PLCL1: variants seen among roughly 807,000 people sequenced by gnomAD.
The protein encoded by PLCL1 is inactive phospholipase C-like protein 1.
PLCL1 carries 41 observed loss-of-function variants against 84.4 expected under a neutral mutation model. The observed-to-expected ratio is 0.49, with a 90% CI of 0.38 to 0.63. The LOEUF is 0.63. PLCL1 is among the 30% of genes least tolerant of loss of function. The pLI is 0.00. For synonymous variants in PLCL1, 490 were observed against 488.3 expected (o/e 1.00, Z -0.05); for missense variants, 1,206 against 1,367.8 (o/e 0.88, Z 1.87).
At chr2:197,917,184 C>G (rs1475005136) in intron 1 of PLCL1, among the ~76,000 whole-genome samples, 1 of 152,174 alleles carries the variant, frequency 6.6e-6, no homozygotes, top group Non-Finnish European at 1.5e-5. Flanking sequence ...AACTTGTCTA[C>G]ACAAAAACCT....
chr2:198,113,946 G>A (rs1237972379), intron 5 of PLCL1, among the ~76,000 whole-genome samples: 2 of 151,706 alleles, frequency 1.3e-5, no homozygotes, highest in Non-Finnish European at 2.9e-5. Flanking sequence ...TACAGAGGAG[G>A]ATGTTATAAG....
intron 1 of PLCL1, among the ~76,000 whole-genome samples, chr2:198,000,750 T>G (rs888487932): frequency 4.6e-5 from 7 of 152,126 alleles, no homozygotes; most frequent in Middle Eastern, 3.4e-3. Flanking sequence ...TTTTTTTTTT[T>G]TATCTTGGAG....
chr2:198,131,982 C>A (rs773768851), intron 5 of PLCL1, among the ~76,000 whole-genome samples: 3 of 152,170 alleles, frequency 2.0e-5, no homozygotes, highest in Admixed American at 1.3e-4. Flanking sequence ...TTTCCTTTTC[C>A]ATTTCCCCTT....
intron 1 of PLCL1, among the ~76,000 whole-genome samples, chr2:198,012,981 C>T (rs756308437): frequency 2.6e-5 from 4 of 152,008 alleles, no homozygotes; most frequent in Non-Finnish European, 5.9e-5. Flanking sequence ...TACATCTCTG[C>T]CCCCTCCCAG....
intron 1 of PLCL1, among the ~76,000 whole-genome samples, chr2:197,910,187 G>T (rs1042562752): frequency 6.6e-6 from 1 of 152,208 alleles, no homozygotes. Flanking sequence ...TTAGTGAAAA[G>T]GAGATGGATT....
chr2:197,907,360 A>G (rs761818747), intron 1 of PLCL1, among the ~76,000 whole-genome samples: 1 of 151,820 alleles, frequency 6.6e-6, no homozygotes, highest in Non-Finnish European at 1.5e-5. Context: ...TGCCTCAGCC[A>G]CCTGAGTAGC....
intron 1 of PLCL1, among the ~76,000 whole-genome samples, chr2:198,079,750 T>C (rs1198686479): frequency 2.6e-5 from 4 of 152,200 alleles, no homozygotes; most frequent in Non-Finnish European, 4.4e-5. Context: ...TTAATTTAAC[T>C]TATTTAAATG....
intron 1 of PLCL1, among the ~76,000 whole-genome samples, chr2:198,014,589 T>A (rs1690947882): frequency 6.6e-6 from 1 of 152,132 alleles, no homozygotes; most frequent in Non-Finnish European, 1.5e-5. Flanking sequence ...ATCTTTATTA[T>A]AACCATGTGG....
intron 1 of PLCL1, among the ~76,000 whole-genome samples, chr2:197,823,985 G>T (rs535363755): frequency 1.3e-5 from 2 of 152,182 alleles, no homozygotes; most frequent in Admixed American, 6.5e-5. Context: ...AGCTATATAT[G>T]AATTTAGCAT....
At chr2:197,911,881 C>A (rs956264546) in intron 1 of PLCL1, among the ~76,000 whole-genome samples, 1 of 152,174 alleles carries the variant, frequency 6.6e-6, no homozygotes, top group Non-Finnish European at 1.5e-5. Context: ...ACATTCCCGA[C>A]CCCCTGGAAA....
chr2:198,054,360 A>C (rs373767710), intron 1 of PLCL1, among the ~76,000 whole-genome samples: 2 of 152,244 alleles, frequency 1.3e-5, no homozygotes, highest in Non-Finnish European at 2.9e-5. Context: ...TCCATCCAAC[A>C]GCAGCAGAAT....
At chr2:198,112,818 A>T (rs961815318) in intron 5 of PLCL1, among the ~76,000 whole-genome samples, 3 of 151,876 alleles carry the variant, frequency 2.0e-5, no homozygotes, top group African/African-American at 7.2e-5. Flanking sequence ...TTCCAGTGGC[A>T]GCCAGTTTAG....
intron 1 of PLCL1, among the ~76,000 whole-genome samples, chr2:197,922,772 G>T (rs1449015474): frequency 1.9e-4 from 21 of 112,314 alleles, no homozygotes; most frequent in East Asian, 3.5e-4. Flanking sequence ...TGGCCGGGCA[G>T]GGGGCTGACC....
chr2:197,965,796 T>C (rs1689719430), intron 1 of PLCL1, among the ~76,000 whole-genome samples: 1 of 152,212 alleles, frequency 6.6e-6, no homozygotes, highest in Admixed American at 6.5e-5. Context: ...AATTTCTTTA[T>C]TGACCTATTG....
intron 1 of PLCL1, among the ~76,000 whole-genome samples, chr2:197,903,774 A>G (rs1688320761): frequency 7.7e-6 from 1 of 129,770 alleles, no homozygotes; most frequent in African/African-American, 3.0e-5. Flanking sequence ...AAGTGCTGGG[A>G]TTACAGGCGT....
chr2:197,841,348 C>T (rs1686999713), intron 1 of PLCL1, among the ~76,000 whole-genome samples: 1 of 152,154 alleles, frequency 6.6e-6, no homozygotes, highest in Admixed American at 6.5e-5. Context: ...TGGCACCGTC[C>T]TGAAAATCTC....
chr2:197,963,601 C>A (rs1689667195), intron 1 of PLCL1, among the ~76,000 whole-genome samples: 1 of 151,992 alleles, frequency 6.6e-6, no homozygotes, highest in Non-Finnish European at 1.5e-5. Context: ...GTGATCCCAT[C>A]TGCCCGTTTT....
chr2:198,055,325 CTCTCTG>C (rs1265808237), intron 1 of PLCL1, among the ~76,000 whole-genome samples: 13 of 108,914 alleles, frequency 1.2e-4, no homozygotes, highest in African/African-American at 5.7e-4. Flanking sequence ...CTCTCTCTCT[CTCTCTG>C]TGTGTGTGTG....
intron 1 of PLCL1, among the ~76,000 whole-genome samples, chr2:197,918,971 T>TCTCTCTCTCA (rs373512508): frequency 0.02 from 2,850 of 144,552 alleles, 102 homozygotes; most frequent in East Asian, 0.068. Context: ...TCTCTCTCCC[T>TCTCTCTCTCA]CACACACACA....
Sources: gnomAD v4.1 joint callset for allele counts (sites outside exome capture counted in the v4.1 genomes callset) on GRCh38, gnomAD v4.1.1 for gene constraint, MANE v1.5 for transcripts, NCBI Gene and HGNC (gene_info 2026-07-23, HGNC 2026-07-21) for gene names.